The following CDH8 variants were observed in gnomAD, a reference collection of about 807,000 sequenced individuals.
CDH8 encodes cadherin-8.
In CDH8, 17 loss-of-function variants were observed where a neutral mutation model predicts 68.1. The observed-to-expected ratio is 0.25, with a 90% CI of 0.17 to 0.37. The LOEUF is 0.37. Ranked by LOEUF, CDH8 falls within the 10% of genes least tolerant of loss-of-function variation. The pLI is 1.00. For synonymous variants in CDH8, 372 were observed against 365.1 expected (o/e 1.02, Z -0.21); for missense variants, 763 against 999.3 (o/e 0.76, Z 3.19).
rs866368256 is a variant in CDH8, at chr16:62,021,315, G to A, written c.89C>T (p.Ala30Val). Residue 30 changes from alanine to valine, a missense_variant, in exon 2 of 12, where the codon GCT (alanine) becomes GTT (valine). Ala to Val is a moderately conservative substitution (Grantham distance 64). Around this residue, in one of 2 missense-constraint regions of CDH8, gnomAD observed 366 missense variants for 563.1 expected, o/e 0.65. Transcript: ENST00000577390. ...TAAAACTTGAGACTGATTCATCGGA[G>A]CCATGTAAATGCAAGGGGGAAGAGT... ...WITLPPCIYM[A>V]PMNQSQVLMS... 6.2e-7 allele frequency: 1 copy of A among 1,613,894 alleles called. No homozygotes were observed. Among genetic ancestry groups the A allele is most frequent in the Non-Finnish European group, 8.5e-7 (1 of 1,179,950 alleles).
intron 2 of CDH8, among the ~76,000 whole-genome samples, chr16:61,938,494 G>A (rs1299700908): frequency 6.6e-6 from 1 of 152,112 alleles, no homozygotes. Flanking sequence ...GAGGCCCTAC[G>A]CCTTGTCCAC....
At chr16:61,782,453 C>T (rs1343003113) in intron 8 of CDH8, among the ~76,000 whole-genome samples, 11 of 151,944 alleles carry the variant, frequency 7.2e-5, no homozygotes, top group African/African-American at 1.7e-4. Flanking sequence ...CACGGAGTCT[C>T]GCTGATTGCT....
At chr16:61,969,785 T>C (rs1043187594) in intron 2 of CDH8, among the ~76,000 whole-genome samples, 1 of 152,156 alleles carries the variant, frequency 6.6e-6, no homozygotes, top group African/African-American at 2.4e-5. Flanking sequence ...TTCCCAGGAC[T>C]GTGATATGAG....
intron 8 of CDH8, among the ~76,000 whole-genome samples, chr16:61,760,028 C>T (rs1473909711): frequency 1.3e-5 from 2 of 151,966 alleles, no homozygotes; most frequent in Non-Finnish European, 2.9e-5. Context: ...AACACACCCC[C>T]CACCCCAACC....
chr16:61,656,576 TTAC>T (rs1166654067), intron 10 of CDH8, among the ~76,000 whole-genome samples: 2 of 152,124 alleles, frequency 1.3e-5, no homozygotes, highest in Non-Finnish European at 2.9e-5. Flanking sequence ...AAAGCCCTAT[TTAC>T]TACCCGGAGG....
At chr16:61,994,226 C>G (rs1469766134) in intron 2 of CDH8, among the ~76,000 whole-genome samples, 1 of 152,146 alleles carries the variant, frequency 6.6e-6, no homozygotes, top group Non-Finnish European at 1.5e-5. Flanking sequence ...GATATGTCCT[C>G]CAGTGTAATA....
At chr16:61,781,907 G>A (rs1001265854) in intron 8 of CDH8, among the ~76,000 whole-genome samples, 13 of 152,164 alleles carry the variant, frequency 8.5e-5, no homozygotes, top group African/African-American at 1.7e-4. Flanking sequence ...AGAAACTGCC[G>A]TGATGGTAAG....
chr16:61,666,925 T>C (rs979479665), intron 10 of CDH8, among the ~76,000 whole-genome samples: 1 of 152,052 alleles, frequency 6.6e-6, no homozygotes, highest in Middle Eastern at 3.2e-3. Context: ...GAACAAATAT[T>C]ATAGCATCCA....
chr16:61,977,200 A>G (rs79000622), intron 2 of CDH8, among the ~76,000 whole-genome samples: 2 of 152,138 alleles, frequency 1.3e-5, no homozygotes, highest in Admixed American at 6.5e-5. Context: ...TGGAATGCCA[A>G]CTTCCTTAAG....
intron 8 of CDH8, among the ~76,000 whole-genome samples, chr16:61,744,824 A>C (rs1294929007): frequency 6.6e-6 from 1 of 151,406 alleles, no homozygotes; most frequent in Non-Finnish European, 1.5e-5. Flanking sequence ...TTTGCAATGC[A>C]TTGTTTATGA....
chr16:61,945,552 C>G (rs940722093), intron 2 of CDH8, among the ~76,000 whole-genome samples: 1 of 151,824 alleles, frequency 6.6e-6, no homozygotes, highest in African/African-American at 2.4e-5. Flanking sequence ...CATCCCTACT[C>G]AAAGGTTAGC....
At chr16:61,762,219 A>C (rs1458351810) in intron 8 of CDH8, among the ~76,000 whole-genome samples, 1 of 152,148 alleles carries the variant, frequency 6.6e-6, no homozygotes, top group Non-Finnish European at 1.5e-5. Flanking sequence ...ATATACTCGC[A>C]ATGCATACAA....
intron 2 of CDH8, among the ~76,000 whole-genome samples, chr16:62,002,460 T>C (rs1041951056): frequency 1.3e-5 from 2 of 152,190 alleles, no homozygotes; most frequent in Non-Finnish European, 2.9e-5. Flanking sequence ...TGGAAATACA[T>C]GAGTGTATAC....
chr16:61,760,031 C>T (rs1204541788), intron 8 of CDH8, among the ~76,000 whole-genome samples: 1 of 151,976 alleles, frequency 6.6e-6, no homozygotes, highest in African/African-American at 2.4e-5. Flanking sequence ...ACACCCCCCA[C>T]CCCAACCCAA....
chr16:61,836,980 C>T (rs1017318328), intron 4 of CDH8, among the ~76,000 whole-genome samples: 1 of 151,984 alleles, frequency 6.6e-6, no homozygotes, highest in Non-Finnish European at 1.5e-5. Context: ...TCCTTTTGTT[C>T]CTTTCAAGCC....
chr16:62,010,101 AT>A (rs1455554012), intron 2 of CDH8, among the ~76,000 whole-genome samples: 2 of 152,222 alleles, frequency 1.3e-5, no homozygotes, highest in Non-Finnish European at 2.9e-5. Context: ...CAGCACAGGC[AT>A]AATCTTCAAG....
chr16:61,705,634 A>G (rs1964513252), intron 10 of CDH8, among the ~76,000 whole-genome samples: 1 of 152,194 alleles, frequency 6.6e-6, no homozygotes, highest in Non-Finnish European at 1.5e-5. Flanking sequence ...AAAGACGCAC[A>G]TCACCATTCT....
intron 8 of CDH8, among the ~76,000 whole-genome samples, chr16:61,780,643 C>A (rs1376031094): frequency 6.6e-6 from 1 of 152,208 alleles, no homozygotes; most frequent in Non-Finnish European, 1.5e-5. Context: ...TTTAAATATT[C>A]ATCTCAGACA....
At chr16:61,698,914 A>C (rs148414114) in intron 10 of CDH8, among the ~76,000 whole-genome samples, 3,388 of 152,286 alleles carry the variant, frequency 0.022, 66 homozygotes, top group Non-Finnish European at 0.033. Flanking sequence ...TATGTCCCAA[A>C]GGGTAAAAAG....
Sources: gnomAD v4.1 joint callset for allele counts (sites outside exome capture counted in the v4.1 genomes callset) on GRCh38, gnomAD v4.1.1 for gene constraint, gnomAD v4.1.1 regional missense constraint, MANE v1.5 for transcripts, NCBI Gene and HGNC (gene_info 2026-07-23, HGNC 2026-07-21) for gene names.